MORN1: variants seen among roughly 807,000 people sequenced by gnomAD.
The protein encoded by MORN1 is MORN repeat-containing protein 1.
MORN1 carries 67 observed loss-of-function variants against 61.9 expected under a neutral mutation model. That is an observed-to-expected ratio of 1.08 (90% CI 0.89 to 1.33). The LOEUF is 1.33. MORN1 is among the 40% of genes most tolerant of loss of function. MORN1 has a pLI of 0.00. For missense variants in MORN1, 752 were observed against 691.2 expected, an observed-to-expected ratio of 1.09 and a Z score of -0.99; for synonymous variants, 301 against 292.0, an observed-to-expected ratio of 1.03 and a Z score of -0.31.
chr1:2,385,843 T>A lies in MORN1; in HGVS notation c.413A>T (p.Asp138Val). Residue 138 changes from aspartate (D) to valine (V), a missense_variant, in exon 5 of 14, where the codon GAC (aspartate) becomes GTC (valine). Asp to Val is a radical substitution (Grantham distance 152). Coordinates refer to ENST00000378531, the MANE Select transcript of MORN1 (RefSeq NM_024848.3). The stretch of plus-strand genomic sequence containing the variant: ...CTGCCCAGGGCCGTGCCTCTTGTTG[T>A]CATGGAAGGAGCCCTGGTACACTTG... ...DGQVYQGSFH[D>V]NKRHGPGQML... The A allele has an allele frequency of 6.2e-7, 1 of 1,613,922 alleles. No individual in the cohort carries two copies. Among genetic ancestry groups the A allele is most frequent in the Non-Finnish European group, 8.5e-7 (1 of 1,179,996 alleles).
At chr1:2,390,810 G>C (rs1262590235) in intron 1 of MORN1, 1 of 917,350 alleles carries the variant, frequency 1.1e-6, no homozygotes. Flanking sequence ...GTGCAGCGGC[G>C]CGATCTCGGC....
intron 10 of MORN1, among the ~76,000 whole-genome samples, chr1:2,354,103 G>A (rs1226190314): frequency 1.3e-5 from 2 of 152,036 alleles, no homozygotes; most frequent in Non-Finnish European, 2.9e-5. Context: ...TGGCCAACAC[G>A]GCGAAACCCC....
In MORN1 at chr1:2,321,544, G is replaced by A; in HGVS notation, c.1333C>T (p.Pro445Ser). ...YVLMIRDVTT[P>S]PFLGRRLPPA... Reference sequence around the variant, plus strand: ...GGCAGCCTGCGCCCCAGGAACGGCGGGGTGGTCACGTCGCGGATCATGAGC... The same window carrying A: ...GGCAGCCTGCGCCCCAGGAACGGCGAGGTGGTCACGTCGCGGATCATGAGC... Residue 445 changes from proline to serine, a missense_variant, in exon 14 of 14, where the codon CCG becomes TCG. By Grantham distance (74) the Pro-to-Ser change is moderately conservative. Coordinates refer to ENST00000378531, the MANE Select transcript of MORN1 (RefSeq NM_024848.3). 2.0e-6 allele frequency: 3 copies of A among 1,527,062 alleles called. No homozygotes were observed. Among genetic ancestry groups the A allele is most frequent in the Non-Finnish European group, 2.6e-6 (3 of 1,135,554 alleles). 94.6% of individuals were successfully genotyped at this position (1,527,062 alleles called of 1,614,324 possible). A position where few individuals can be genotyped will look rare whatever the true frequency, so the allele number is the denominator to read the frequency against.
At chr1:2,342,279 C>T (rs1424617296) in intron 10 of MORN1, among the ~76,000 whole-genome samples, 4 of 152,206 alleles carry the variant, frequency 2.6e-5, no homozygotes, top group African/African-American at 9.6e-5. Context: ...CACCAGGCAG[C>T]AGGCAGGGAT....
intron 13 of MORN1, 30 bp from the exon 14 acceptor site, chr1:2,321,609 C>T (rs1312243723): frequency 6.9e-7 from 1 of 1,454,922 alleles, no homozygotes; most frequent in African/African-American, 1.4e-5. Flanking sequence ...TGGTCCTCAG[C>T]AGGCTCCTGT....
intron 8 of MORN1, among the ~76,000 whole-genome samples, chr1:2,369,148 G>C (rs1642060415): frequency 6.6e-6 from 1 of 151,746 alleles, no homozygotes; most frequent in African/African-American, 2.4e-5. Context: ...TCAGGAGATT[G>C]AGATCATCCT....
intron 6 of MORN1, among the ~76,000 whole-genome samples, chr1:2,379,566 G>A (rs761224649): frequency 1.3e-5 from 2 of 152,174 alleles, no homozygotes; most frequent in Non-Finnish European, 2.9e-5. Context: ...ACGGGTGGGG[G>A]CAGCTGGTGG....
intron 12 of MORN1, among the ~76,000 whole-genome samples, chr1:2,333,348 C>T (rs1641199474): frequency 1.3e-5 from 2 of 152,218 alleles, no homozygotes; most frequent in African/African-American, 2.4e-5. Context: ...GCTCCCGAAG[C>T]CTCCTCCCCA....
rs964582827 is a variant in MORN1, at chr1:2,357,051, C to T, written c.1036+381G>A. Among the ~76,000 whole-genome samples, 4 of 152,252 alleles carry T rather than the reference C, an allele frequency of 2.6e-5. No individual in the cohort carries two copies. Among genetic ancestry groups the T allele is most frequent in the South Asian group, 4.1e-4 (2 of 4,824 alleles). On this transcript the variant is annotated intron_variant, in intron 10 of 13. Transcript: ENST00000378531. This position sits in a 1 kb window ranked among gnomAD's most constrained non-coding sequence, Gnocchi z 6.3. ...GCGCCGCGGCCCCCAGAGCCATGGCCGGCGGCTGCTGTGAGGGCTCCCGGG... is the reference window on the plus strand; with the variant it reads ...GCGCCGCGGCCCCCAGAGCCATGGCTGGCGGCTGCTGTGAGGGCTCCCGGG...
At chr1:2,335,678 C>T (rs559508170) in intron 12 of MORN1, among the ~76,000 whole-genome samples, 6 of 152,226 alleles carry the variant, frequency 3.9e-5, no homozygotes, top group African/African-American at 1.4e-4. Context: ...CCCAAGGAAA[C>T]AAGAGCGAGT....
intron 2 of MORN1, 48 bp downstream of exon 2, chr1:2,389,877 T>C (rs767257120): frequency 6.4e-7 from 1 of 1,564,210 alleles, no homozygotes; most frequent in South Asian, 1.1e-5. Context: ...ACTGGTTTCG[T>C]CAGCTGTGGG....
In MORN1 at chr1:2,333,967, G is replaced by A. The variant is rs1012784665; in HGVS notation, c.1250+2502C>T. Among the ~76,000 whole-genome samples the A allele has an allele frequency of 7.9e-5, 12 of 152,290 alleles. 1 individual carries two copies. In the South Asian group the frequency reaches 2.1e-3, roughly 26 times the overall value. ...TTTGGGCCCAGAGCCAGGTCTGGAC[G>A]CTGGTTGGGGGAGCTGGGACCCAGA... On this transcript the variant is annotated intron_variant, in intron 12 of 13. Transcript: ENST00000378531.
chr1:2,379,265 G>A (rs747778658), intron 6 of MORN1: 2 of 417,394 alleles, frequency 4.8e-6, no homozygotes, highest in East Asian at 7.2e-5. Flanking sequence ...TCCGAGGTGG[G>A]CAGAGGTGAA....
chr1:2,336,403 G>A lies in MORN1; in HGVS notation c.1250+66C>T, dbSNP rs1026975699. The stretch of plus-strand genomic sequence containing the variant: ...CCCCTGGGCCTTCCCCGTCCTCCTG[G>A]CCCAGCTGATGAGGAGGCCACAGCT... On this transcript the variant is annotated intron_variant, in intron 12 of 13. Coordinates refer to ENST00000378531, the MANE Select transcript of MORN1 (RefSeq NM_024848.3). 6 of 1,518,318 alleles carry A rather than the reference G, an allele frequency of 4.0e-6. No individual in the cohort carries two copies. The African/African-American group carries it at 6.8e-5, about 17-fold the overall frequency. The allele number at this position is 1,518,318 out of a possible 1,614,324, so 94.1% of individuals were successfully genotyped here. A position where few individuals can be genotyped will look rare whatever the true frequency, so the allele number is the denominator to read the frequency against.
intron 2 of MORN1, 35 bp downstream of exon 2, chr1:2,389,890 A>C: frequency 1.4e-4 from 207 of 1,472,138 alleles, no homozygotes; most frequent in Non-Finnish European, 1.8e-4. Flanking sequence ...GCTGTGGGGC[A>C]GCAGCTGCAA....
chr1:2,391,199 G>A (rs1642651276), intron 1 of MORN1, among the ~76,000 whole-genome samples: 1 of 152,144 alleles, frequency 6.6e-6, no homozygotes, highest in Admixed American at 6.5e-5. Flanking sequence ...GGTCTTCCCG[G>A]CTAGGAGCCC....
At chr1:2,322,247 T>C in intron 13 of MORN1, 1 of 985,428 alleles carries the variant, frequency 1.0e-6, no homozygotes, top group Non-Finnish European at 1.2e-6. Context: ...AAAGTGAGGT[T>C]GCCATAGAAA....
Position 2,389,128 on chromosome 1 carries a change from AG to A in MORN1, c.149-792del, listed in dbSNP as rs869055350. ...ACTCTGTCTCCAAAAAAAAAAAAAA[AG>A]AAAAAAGAAACAAAACTGGCAGAGA... On this transcript the variant is annotated intron_variant, in intron 2 of 13. Coordinates refer to ENST00000378531, the MANE Select transcript of MORN1 (RefSeq NM_024848.3). Among the ~76,000 whole-genome samples the A allele has an allele frequency of 1.7e-4, 19 of 112,224 alleles. 1 individual carries two copies. The highest frequency in any genetic ancestry group is 2.0e-4 in the African/African-American group (7 of 35,774). 73.6% of individuals were successfully genotyped at this position (112,224 alleles called of 152,430 possible). A position where few individuals can be genotyped will look rare whatever the true frequency, so the allele number is the denominator to read the frequency against.
chr1:2,338,871 GT>G, intron 10 of MORN1, among the ~76,000 whole-genome samples: 1 of 152,144 alleles, frequency 6.6e-6, no homozygotes, highest in African/African-American at 2.4e-5. Context: ...AGTAAAGGCT[GT>G]CGTGACTGTC....
Sources: gnomAD v4.1 joint callset for allele counts (sites outside exome capture counted in the v4.1 genomes callset) on GRCh38, gnomAD v4.1.1 for gene constraint, Gnocchi (gnomAD v3.1) non-coding constraint, MANE v1.5 for transcripts, NCBI Gene and HGNC (gene_info 2026-07-23, HGNC 2026-07-21) for gene names.